Variants in LYZL4 observed in about 807,000 individuals in gnomAD.
LYZL4 encodes lysozyme like 4, also known as lysozyme-like protein 4.
Under a neutral mutation model 17.6 loss-of-function variants are expected in LYZL4, and 13 were observed. That is an observed-to-expected ratio of 0.74 (90% CI 0.48 to 1.18). LYZL4 has a LOEUF of 1.18. LYZL4 is among the 50% of genes most tolerant of loss of function. The pLI is 0.00. For synonymous variants in LYZL4, 64 were observed against 67.7 expected (o/e 0.95, Z 0.27); for missense variants, 174 against 188.2 (o/e 0.92, Z 0.44).
intron 4 of LYZL4, among the ~76,000 whole-genome samples, chr3:42,398,838 A>AG (rs1417052866): frequency 1.3e-5 from 2 of 152,230 alleles, no homozygotes; most frequent in African/African-American, 4.8e-5. Flanking sequence ...AAAGAAAAAA[A>AG]CCAAGGGATT....
chr3:42,389,140 A>G, the LYZL4 span, among the ~76,000 whole-genome samples: 22 of 152,310 alleles, frequency 1.4e-4, no homozygotes, highest in African/African-American at 5.3e-4. Flanking sequence ...GGACCCTCGG[A>G]GGTGCTCATG....
chr3:42,378,095 T>A, the LYZL4 span, among the ~76,000 whole-genome samples: 2 of 152,204 alleles, frequency 1.3e-5, no homozygotes, highest in Admixed American at 6.5e-5. Context: ...TCATGAGCTG[T>A]TCCCAGGGGA....
rs141392970 is a variant in LYZL4, at chr3:42,398,277, G to T, written c.372-943C>A. On this transcript the variant is annotated intron_variant, in intron 4 of 4. Transcript: ENST00000287748. ...CCAACCGAGCTTTGGAGAACACGTG[G>T]CTGCCTGTTAGCTTAATTAGCTTCC... is the stretch of plus-strand genomic sequence containing the variant. Among the ~76,000 whole-genome samples, 51 of 152,304 alleles carry T rather than the reference G, an allele frequency of 3.3e-4. No individual in the cohort carries two copies. The East Asian group carries it at 7.1e-3, about 21-fold the overall frequency.
At chr3:42,408,270 T>C (rs533846587) in intron 1 of LYZL4, among the ~76,000 whole-genome samples, 2 of 152,332 alleles carry the variant, frequency 1.3e-5, no homozygotes, top group Admixed American at 1.3e-4. Context: ...CCCTCCATGA[T>C]CTGGCTTTAC....
intron 3 of LYZL4, among the ~76,000 whole-genome samples, chr3:42,405,335 G>A (rs375145412): frequency 3.9e-5 from 6 of 152,104 alleles, no homozygotes; most frequent in Admixed American, 1.3e-4. Flanking sequence ...GGCGTGAGCC[G>A]CCGCGCCTGG....
the LYZL4 span, among the ~76,000 whole-genome samples, chr3:42,382,023 A>G: frequency 6.6e-6 from 1 of 152,250 alleles, no homozygotes; most frequent in East Asian, 1.9e-4. Flanking sequence ...AGCATCCACC[A>G]TGGCAAAACA....
the LYZL4 span, among the ~76,000 whole-genome samples, chr3:42,389,293 G>C: frequency 6.6e-6 from 1 of 152,194 alleles, no homozygotes; most frequent in African/African-American, 2.4e-5. Flanking sequence ...TCACAGGCCA[G>C]AATTCTTATA....
the LYZL4 span, among the ~76,000 whole-genome samples, chr3:42,374,703 C>A: frequency 6.6e-6 from 1 of 152,200 alleles, no homozygotes; most frequent in African/African-American, 2.4e-5. Flanking sequence ...GCCACTGGTG[C>A]CAAGTGACAG....
chr3:42,386,395 G>GCCCCCCCCCCCCCCCCC, the LYZL4 span, among the ~76,000 whole-genome samples: 1 of 107,462 alleles, frequency 9.3e-6, no homozygotes, highest in Non-Finnish European at 1.9e-5. Context: ...GAGCCACCAC[G>GCCCCCCCCCCCCCCCCC]CCCCCCCCCC....
intron 3 of LYZL4, among the ~76,000 whole-genome samples, chr3:42,406,246 G>C (rs1367940241): frequency 6.6e-6 from 1 of 152,094 alleles, no homozygotes; most frequent in Non-Finnish European, 1.5e-5. Context: ...GAGGTCAGGA[G>C]ATTGAGACCA....
chr3:42,366,938 GT>G, the LYZL4 span, among the ~76,000 whole-genome samples: 1 of 152,214 alleles, frequency 6.6e-6, no homozygotes, highest in Non-Finnish European at 1.5e-5. Context: ...CTTGTTTCTA[GT>G]TTCTGGTACA....
At chr3:42,369,450 T>C in the LYZL4 span, among the ~76,000 whole-genome samples, 1 of 152,252 alleles carries the variant, frequency 6.6e-6, no homozygotes, top group Non-Finnish European at 1.5e-5. Flanking sequence ...GGCTGTCACC[T>C]AGCAACCAGG....
Position 42,407,345 on chromosome 3 carries a change from T to C in LYZL4, c.-92-2A>G. On this transcript the variant is annotated splice_acceptor_variant, in intron 1 of 4. Transcript: ENST00000287748. LOFTEE classifies it low-confidence loss of function (5UTR_SPLICE). ...GTTCTCTGAAGGGAAAGAAGGGCAC[T>C]GTGGGGGTGGGGGTGGAGCACAGTT... The C allele has an allele frequency of 1.9e-6, 3 of 1,547,774 alleles. No homozygotes were observed. The highest frequency in any genetic ancestry group is 1.8e-5 in the Admixed American group (1 of 56,396).
chr3:42,401,238 T>G (rs1425827757), intron 4 of LYZL4, among the ~76,000 whole-genome samples: 1 of 151,884 alleles, frequency 6.6e-6, no homozygotes, highest in Non-Finnish European at 1.5e-5. Flanking sequence ...TGAGACAGAG[T>G]CTCGCTCTGT....
the LYZL4 span, among the ~76,000 whole-genome samples, chr3:42,391,058 A>C: frequency 6.6e-6 from 1 of 152,182 alleles, no homozygotes; most frequent in Non-Finnish European, 1.5e-5. Context: ...ACCCATGGTA[A>C]TAAGAGACCT....
the LYZL4 span, among the ~76,000 whole-genome samples, chr3:42,383,657 A>C: frequency 6.6e-6 from 1 of 152,108 alleles, no homozygotes; most frequent in Non-Finnish European, 1.5e-5. Context: ...TCATAAAAAG[A>C]AAAAACCAGA....
At chr3:42,406,208 C>T (rs1007000317) in intron 3 of LYZL4, among the ~76,000 whole-genome samples, 4 of 152,124 alleles carry the variant, frequency 2.6e-5, no homozygotes, top group African/African-American at 9.7e-5. Context: ...AACCCTAGCA[C>T]TTTGGGAGGC....
the LYZL4 span, among the ~76,000 whole-genome samples, chr3:42,379,070 T>C: frequency 6.6e-6 from 1 of 151,968 alleles, no homozygotes; most frequent in Non-Finnish European, 1.5e-5. Context: ...AACAAGCCAC[T>C]CCAAACTGAG....
chr3:42,409,761 A>C (rs969088247), intron 1 of LYZL4, among the ~76,000 whole-genome samples: 1 of 152,352 alleles, frequency 6.6e-6, no homozygotes, highest in South Asian at 2.1e-4. Context: ...GCATGTGTCC[A>C]GTCACATCAC....
Sources: allele counts gnomAD v4.1 joint callset (sites outside exome capture counted in the v4.1 genomes callset), GRCh38; gene constraint gnomAD v4.1.1; transcripts MANE v1.5; gene names NCBI Gene and HGNC (gene_info 2026-07-23, HGNC 2026-07-21).